The following PPP2R2D variants were observed in gnomAD, a reference collection of about 807,000 sequenced individuals.
PPP2R2D encodes the protein protein phosphatase 2 regulatory subunit Bdelta, also known as serine/threonine-protein phosphatase 2A 55 kDa regulatory subunit B delta isoform.
Under a neutral mutation model 31.1 loss-of-function variants are expected in PPP2R2D, and 9 were observed. That is an observed-to-expected ratio of 0.29 (90% CI 0.17 to 0.51). PPP2R2D has a LOEUF of 0.51. PPP2R2D is among the 20% of genes least tolerant of loss of function. The pLI, the probability that PPP2R2D is intolerant of heterozygous loss-of-function variation, is 0.98. For missense variants in PPP2R2D, 391 were observed against 465.6 expected (o/e 0.84, Z 1.48); for synonymous variants, 179 against 172.6 (o/e 1.04, Z -0.29).
chr10:131,947,308 CCCTT>C lies in PPP2R2D; in HGVS notation c.821-221_821-218del, dbSNP rs1428453260. ...GGGCGTCTACGCTTCTCATGCCCAT[CCCTT>C]GTCCATAGCTGGTGCTAGAATGTCT... On this transcript the variant is annotated intron_variant, in intron 7 of 8. Transcript: ENST00000455566. The surrounding 1 kb of genome is among the most constrained non-coding windows in gnomAD (Gnocchi z 4.3). Among the ~76,000 whole-genome samples the C allele has an allele frequency of 6.6e-6, 1 of 152,172 alleles. No homozygotes were observed. Among genetic ancestry groups the C allele is most frequent in the Non-Finnish European group, 1.5e-5 (1 of 68,042 alleles).
chr10:131,942,862 CTCT>C (rs2036465350), intron 5 of PPP2R2D, among the ~76,000 whole-genome samples: 1 of 152,156 alleles, frequency 6.6e-6, no homozygotes, highest in Non-Finnish European at 1.5e-5. Context: ...GTAGAACTGA[CTCT>C]TCTTGCTCTA....
rs141058642 is a variant in PPP2R2D at position 131,930,439 on chromosome 10, AT to A, written c.101-4017del. Among the ~76,000 whole-genome samples the A allele has an allele frequency of 4.3e-3, 651 of 152,332 alleles. 3 individuals carry two copies. Among genetic ancestry groups the A allele is most frequent in the African/African-American group, 0.012 (516 of 41,568 alleles). ...TTGGCTTTTTCTCTCATTTTGCCAA[AT>A]TGCCTCTCGCAGCAGTTTCCTGAGA... On this transcript the variant is annotated intron_variant, in intron 2 of 8. Transcript: ENST00000455566.
intron 3 of PPP2R2D, among the ~76,000 whole-genome samples, chr10:131,935,478 G>T (rs539389927): frequency 4.6e-5 from 7 of 152,064 alleles, no homozygotes; most frequent in Admixed American, 1.3e-4. Context: ...CACAGGAAGT[G>T]CTGGCCCTGC....
rs924314080 is a variant in PPP2R2D, at chr10:131,903,831, C to T, written c.100+2501C>T. Among the ~76,000 whole-genome samples, 4 of 152,298 alleles carry T rather than the reference C, an allele frequency of 2.6e-5. No homozygotes were observed. In the East Asian group the frequency reaches 7.7e-4, roughly 29 times the overall value. On this transcript the variant is annotated intron_variant, in intron 2 of 8. Transcript: ENST00000455566. ...TGAAGGGAAGTGTAGTCGTTAGTCA[C>T]CAGGGATTGCTGAGCAGCAAGGATC...
At position 131,958,858 on chromosome 10, in the gene PPP2R2D, T is replaced by G. The variant is rs1457687946; in HGVS notation, c.*2895T>G. The G allele has an allele frequency of 3.8e-5, 7 of 181,904 alleles. No individual in the cohort carries two copies. Among genetic ancestry groups the G allele is most frequent in the African/African-American group, 2.1e-4 (7 of 33,690 alleles). 11.3% of individuals were successfully genotyped at this position (181,904 alleles called of 1,614,324 possible). A position where few individuals can be genotyped will look rare whatever the true frequency, so the allele number is the denominator to read the frequency against. ...CCATCCCCCTGTGGAGATGAAGGCG[T>G]GTGCTGATCCGCCATCCCACTGTGG... On this transcript the variant is annotated 3_prime_UTR_variant, in exon 9 of 9. Transcript: ENST00000455566.
intron 2 of PPP2R2D, among the ~76,000 whole-genome samples, chr10:131,913,089 C>T (rs928448834): frequency 2.0e-4 from 31 of 152,122 alleles, no homozygotes; most frequent in Non-Finnish European, 3.8e-4. Flanking sequence ...GTGGCACTAT[C>T]TCGGCTCACT....
At chr10:131,940,422 A>C (rs144296112) in intron 4 of PPP2R2D, among the ~76,000 whole-genome samples, 160 bp from the exon 5 acceptor site, 29 of 152,262 alleles carry the variant, frequency 1.9e-4, no homozygotes, top group Admixed American at 6.5e-4. Context: ...ATCTTTCTTT[A>C]TTGTACAAAA....
chr10:131,907,685 G>T, intron 2 of PPP2R2D, among the ~76,000 whole-genome samples: 1 of 151,690 alleles, frequency 6.6e-6, no homozygotes, highest in Non-Finnish European at 1.5e-5. Context: ...GGAGCTTGCA[G>T]TGAGCGGAGA....
rs1349222482 is a variant in PPP2R2D at position 131,956,163 on chromosome 10, C to T, written c.*200C>T. Reference sequence around the variant, plus strand: ...GAGGCGCGAGACAGGCGCTGCTGCTCACGTGGAGACGCTCTCGAAGCAGAG... The same window carrying T: ...GAGGCGCGAGACAGGCGCTGCTGCTTACGTGGAGACGCTCTCGAAGCAGAG... On this transcript the variant is annotated 3_prime_UTR_variant, in exon 9 of 9. Coordinates refer to ENST00000455566, the MANE Select transcript of PPP2R2D (RefSeq NM_018461.5). 1.6e-6 allele frequency: 2 copies of T among 1,235,488 alleles called. No homozygotes were observed. The highest frequency in any genetic ancestry group is 1.5e-5 in the African/African-American group (1 of 64,570). 76.5% of individuals were successfully genotyped at this position (1,235,488 alleles called of 1,614,324 possible).
At chr10:131,944,218 A>T in intron 6 of PPP2R2D, 73 bp downstream of exon 6, 1 of 1,241,286 alleles carries the variant, frequency 8.1e-7, no homozygotes, top group Non-Finnish European at 1.1e-6. Flanking sequence ...TCGTCCCTTT[A>T]TACACCTGTA....
At chr10:131,950,744 G>A (rs1554898687) in intron 8 of PPP2R2D, among the ~76,000 whole-genome samples, 1 of 152,092 alleles carries the variant, frequency 6.6e-6, no homozygotes, top group Non-Finnish European at 1.5e-5. Context: ...CACCTGGACG[G>A]CCTTAGTTAT....
intron 2 of PPP2R2D, among the ~76,000 whole-genome samples, chr10:131,929,522 TTC>T (rs1429456928): frequency 1.3e-5 from 2 of 152,178 alleles, no homozygotes; most frequent in African/African-American, 4.8e-5. Context: ...CTCGTCACTC[TTC>T]TCTCTTCTGA....
At chr10:131,934,127 CTCT>C (rs2036295065) in intron 2 of PPP2R2D, among the ~76,000 whole-genome samples, 1 of 151,960 alleles carries the variant, frequency 6.6e-6, no homozygotes, top group Non-Finnish European at 1.5e-5. Context: ...CATTTTTTTC[CTCT>C]ATTTTTTTCT....
intron 2 of PPP2R2D, among the ~76,000 whole-genome samples, chr10:131,933,800 G>A (rs1293394505): frequency 6.6e-6 from 1 of 152,080 alleles, no homozygotes; most frequent in African/African-American, 2.4e-5. Context: ...CTGCTTAGTG[G>A]TGGTGTTCCT....
chr10:131,952,844 TAGC>T (rs1338630847), intron 8 of PPP2R2D, among the ~76,000 whole-genome samples: 4 of 60,204 alleles, frequency 6.6e-5, no homozygotes, highest in African/African-American at 3.2e-4. Context: ...TTCACTGTCT[TAGC>T]AGTGACTTGC....
chr10:131,963,350 C>T (rs1168604623), downstream of PPP2R2D, among the ~76,000 whole-genome samples: 1 of 95,738 alleles, frequency 1.0e-5, no homozygotes, highest in African/African-American at 4.3e-5. Flanking sequence ...ATACGTACAG[C>T]GTTCACAAGT....
chr10:131,912,095 G>A (rs2119745019), intron 2 of PPP2R2D: 1 of 152,258 alleles, frequency 6.6e-6, no homozygotes, highest in East Asian at 1.9e-4. Flanking sequence ...TTGTGTATAA[G>A]CAATCTTTTT....
intron 2 of PPP2R2D, among the ~76,000 whole-genome samples, chr10:131,930,747 C>T (rs563167308): frequency 1.2e-4 from 19 of 152,226 alleles, no homozygotes; most frequent in Non-Finnish European, 2.6e-4. Flanking sequence ...GGTCTGCCAT[C>T]AGCCATGCGG....
chr10:131,939,599 TGCGTTTGGCAGACCTGCTTCAGAAAATAC>T (rs1554896894), intron 3 of PPP2R2D, among the ~76,000 whole-genome samples: 1 of 148,494 alleles, frequency 6.7e-6, no homozygotes, highest in African/African-American at 2.5e-5. Flanking sequence ...CACGGCAGGC[TGCGTTTGGCAGACCTGCTTCAGAAAATAC>T]GGCAGGCTGC....
Sources: gnomAD v4.1 joint callset for allele counts (sites outside exome capture counted in the v4.1 genomes callset) on GRCh38, gnomAD v4.1.1 for gene constraint, Gnocchi (gnomAD v3.1) non-coding constraint, MANE v1.5 for transcripts, NCBI Gene and HGNC (gene_info 2026-07-23, HGNC 2026-07-21) for gene names.